Variants in SGSH observed in about 807,000 individuals in gnomAD.
The protein encoded by SGSH is heparan sulfate sulfatase.
SGSH carries 48 observed loss-of-function variants against 51.0 expected under a neutral mutation model. The observed-to-expected ratio is 0.94, with a 90% CI of 0.75 to 1.20. The LOEUF is 1.20. SGSH is among the 50% of genes most tolerant of loss of function. The probability of loss-of-function intolerance (pLI) is 0.00; values close to 1 mark genes in which losing one functional copy is unlikely to be tolerated. For synonymous variants in SGSH, 321 were observed against 313.4 expected (o/e 1.02, Z -0.26); for missense variants, 662 against 717.8 (o/e 0.92, Z 0.89).
rs1383028557 is a variant in SGSH, at chr17:80,217,006, C to A, written c.249+26G>T. ...GCAGCCTGTCTACTCCCTGCCCACC[C>A]CCTCCTCCCGCCCCTTGCACCTCAC... On this transcript the variant is annotated intron_variant, in intron 2 of 7. Coordinates refer to ENST00000326317, the MANE Select transcript of SGSH (RefSeq NM_000199.5). 12 of 1,530,378 alleles carry A rather than the reference C, an allele frequency of 7.8e-6. No individual in the cohort carries two copies. Among genetic ancestry groups the A allele is most frequent in the Non-Finnish European group, 9.7e-6 (11 of 1,138,696 alleles). The allele number at this position is 1,530,378 out of a possible 1,614,324, so 94.8% of individuals were successfully genotyped here.
intron 1 of SGSH, chr17:80,219,579 A>C (rs1453680211): frequency 6.6e-6 from 1 of 152,300 alleles, no homozygotes; most frequent in Non-Finnish European, 1.5e-5. Flanking sequence ...ATTAATCAGA[A>C]AGAGGGCAAC....
rs528044353 is a variant in SGSH at position 80,213,928 on chromosome 17, G to A, written c.664-43C>T. ...GAGCCAGGCTTAGAACAGACAGACC[G>A]GGGGAGCGGTGTCCAGCCTTCTCCC... On this transcript the variant is annotated intron_variant, in intron 5 of 7. Transcript: ENST00000326317. This position sits in a 1 kb window ranked among gnomAD's most constrained non-coding sequence, Gnocchi z 4.6. 50 of 1,554,670 alleles carry A rather than the reference G, an allele frequency of 3.2e-5. 1 individual carries two copies. The highest frequency in any genetic ancestry group is 2.3e-4 in the South Asian group (20 of 87,084).
At chr17:80,217,347 G>C in intron 1 of SGSH, 155 bp from the exon 2 acceptor site, 2 of 824,342 alleles carry the variant, frequency 2.4e-6, no homozygotes, top group Non-Finnish European at 4.0e-6. Flanking sequence ...AAATGCTATC[G>C]TGACAGAGCA....
chr17:80,209,820 T>C lies in SGSH; in HGVS notation c.*632A>G. ...GTTCAAGCTCATCACTCAGGGAGCC[T>C]GCTGCCAATCAGCTGAAACCTGCCT... On this transcript the variant is annotated 3_prime_UTR_variant, in exon 8 of 8. Coordinates refer to ENST00000326317, the MANE Select transcript of SGSH (RefSeq NM_000199.5). The C allele has an allele frequency of 1.0e-6, 1 of 987,766 alleles. No homozygotes were observed. The highest frequency in any genetic ancestry group is 4.7e-5 in the South Asian group (1 of 21,390). 61.2% of individuals were successfully genotyped at this position (987,766 alleles called of 1,614,324 possible).
At position 80,217,168 on chromosome 17, in the gene SGSH, C is replaced by A; in HGVS notation, c.113G>T (p.Gly38Val). The A allele has an allele frequency of 1.2e-6, 2 of 1,601,850 alleles. No homozygotes were observed. The highest frequency in any genetic ancestry group is 1.7e-6 in the Non-Finnish European group (2 of 1,177,160). Reference sequence around the variant, plus strand: ...GGCGATGGCGCTGTTGTTGTACGCGCCACTCTCAAAGCCTCCGTCATCCGC... The same window carrying A: ...GGCGATGGCGCTGTTGTTGTACGCGACACTCTCAAAGCCTCCGTCATCCGC... ...LLADDGGFES[G>V]AYNNSAIATP... The change falls in exon 2 of 8, where the codon GGC becomes GTC. Residue 38 changes from glycine to valine, a missense_variant. Transcript: ENST00000326317.
chr17:80,201,833 C>T (rs777602482), downstream of SGSH: 41 of 1,613,960 alleles, frequency 2.5e-5, no homozygotes, highest in East Asian at 8.9e-5. The surrounding 1 kb of genome is among the most constrained non-coding windows in gnomAD (Gnocchi z 5.0). Flanking sequence ...GGAGGGTGGA[C>T]GGCTTCTGCT....
downstream of SGSH, chr17:80,201,721 T>C: frequency 1.2e-6 from 2 of 1,613,692 alleles, no homozygotes; most frequent in Non-Finnish European, 1.7e-6. This position sits in a 1 kb window ranked among gnomAD's most constrained non-coding sequence, Gnocchi z 5.0. Context: ...GGAAAGAGAC[T>C]GACCTTCTCG....
At chr17:80,205,768 G>A (rs116305865), downstream of SGSH, 2,161 of 1,132,564 alleles carry the variant, frequency 1.9e-3, 31 homozygotes, top group African/African-American at 0.03. Flanking sequence ...TGACCTTGTC[G>A]CCGACCTCTG....
intron 1 of SGSH, among the ~76,000 whole-genome samples, chr17:80,218,623 G>A (rs964116313): frequency 6.6e-6 from 1 of 152,242 alleles, no homozygotes; most frequent in Non-Finnish European, 1.5e-5. Context: ...ACGTAAACCT[G>A]GAGGGAGAGC....
At chr17:80,216,746 A>C (rs2041905790) in intron 2 of SGSH, 1 of 501,684 alleles carries the variant, frequency 2.0e-6, no homozygotes, top group Non-Finnish European at 3.6e-6. Context: ...CCATAACTAG[A>C]GTGGCATCTC....
chr17:80,209,936 T>G lies in SGSH; in HGVS notation c.*516A>C. 1.0e-6 allele frequency: 1 copy of G among 999,746 alleles called. No homozygotes were observed. The highest frequency in any genetic ancestry group is 1.2e-6 in the Non-Finnish European group (1 of 837,054). The allele number at this position is 999,746 out of a possible 1,614,324, so 61.9% of individuals were successfully genotyped here. ...AGGCTTCCTCTAGGCCAGACGCTGG[T>G]AAGAGCCAGGCGCCGTGCTCCCAGG... is the stretch of plus-strand genomic sequence containing the variant. On this transcript the variant is annotated 3_prime_UTR_variant, in exon 8 of 8. Transcript: ENST00000326317.
chr17:80,218,715 G>A (rs373260109), intron 1 of SGSH, among the ~76,000 whole-genome samples: 1 of 152,332 alleles, frequency 6.6e-6, no homozygotes, highest in Non-Finnish European at 1.5e-5. Context: ...ACTTGGCTGT[G>A]GGCCTGCTAT....
chr17:80,201,867 G>T (rs748534099), downstream of SGSH: 2 of 1,612,414 alleles, frequency 1.2e-6, no homozygotes, highest in East Asian at 4.5e-5. The surrounding 1 kb of genome is among the most constrained non-coding windows in gnomAD (Gnocchi z 5.0). Context: ...GGTCAACACG[G>T]ACGGTACACA....
At chr17:80,219,530 A>G (rs2042049495) in intron 1 of SGSH, among the ~76,000 whole-genome samples, 1 of 152,214 alleles carries the variant, frequency 6.6e-6, no homozygotes, top group Non-Finnish European at 1.5e-5. Flanking sequence ...AGAGCTGTTT[A>G]TGTTACAGTG....
chr17:80,215,257 C>T (rs935156687), intron 2 of SGSH, 119 bp from the exon 3 acceptor site: 11 of 740,352 alleles, frequency 1.5e-5, no homozygotes, highest in East Asian at 1.3e-4. Context: ...ATTTAGACTT[C>T]GAGTGGCCAG....
intron 2 of SGSH, among the ~76,000 whole-genome samples, chr17:80,215,660 A>G (rs537686318): frequency 5.3e-5 from 8 of 152,250 alleles, no homozygotes; most frequent in Non-Finnish European, 1.2e-4. Context: ...CTCTACTAAA[A>G]ATACAAAAAT....
chr17:80,209,387 G>T lies in SGSH; in HGVS notation c.*1065C>A. ...AGTATGGAGTGATAGGGAGGGAAGG[G>T]CAAGGGGAGCCCACCTACTCAAGGA... On this transcript the variant is annotated 3_prime_UTR_variant, in exon 8 of 8. Coordinates refer to ENST00000326317, the MANE Select transcript of SGSH (RefSeq NM_000199.5). The T allele has an allele frequency of 1.0e-6, 1 of 985,468 alleles. No individual in the cohort carries two copies. The highest frequency in any genetic ancestry group is 1.2e-6 in the Non-Finnish European group (1 of 829,970). The allele number at this position is 985,468 out of a possible 1,614,324, so 61.0% of individuals were successfully genotyped here.
intron 2 of SGSH, among the ~76,000 whole-genome samples, chr17:80,215,683 G>A (rs2041864149): frequency 6.6e-6 from 1 of 152,176 alleles, no homozygotes; most frequent in Non-Finnish European, 1.5e-5. Flanking sequence ...GCTGGGCGTG[G>A]TGGCGGGCGC....
downstream of SGSH, chr17:80,204,963 CCT>C: frequency 7.5e-7 from 1 of 1,340,484 alleles, no homozygotes; most frequent in Admixed American, 2.6e-5. Flanking sequence ...AGACCCAGTC[CCT>C]CCCGGGGCAG....
Sources: allele counts gnomAD v4.1 joint callset (sites outside exome capture counted in the v4.1 genomes callset), GRCh38; gene constraint gnomAD v4.1.1; non-coding constraint Gnocchi (gnomAD v3.1); transcripts MANE v1.5; gene names NCBI Gene and HGNC (gene_info 2026-07-23, HGNC 2026-07-21).